Variants in CHCHD6 observed in about 807,000 individuals in gnomAD.
CHCHD6 encodes MICOS complex subunit MIC25.
A neutral mutation model predicts 32.3 loss-of-function variants in CHCHD6; 28 were observed. That is an observed-to-expected ratio of 0.87 (90% CI 0.64 to 1.19). CHCHD6 has a LOEUF of 1.19. Ranked by LOEUF, CHCHD6 falls within the 50% of genes most tolerant of loss-of-function variation. The probability of loss-of-function intolerance (pLI) is 0.00; values close to 1 mark genes in which losing one functional copy is unlikely to be tolerated. For synonymous variants in CHCHD6, 122 were observed against 117.5 expected (o/e 1.04, Z -0.25); for missense variants, 333 against 307.0 (o/e 1.08, Z -0.63).
intron 4 of CHCHD6, 139 bp from the exon 5 acceptor site, chr3:126,852,508 C>T: frequency 3.2e-6 from 2 of 626,108 alleles, no homozygotes; most frequent in Admixed American, 4.9e-5. Flanking sequence ...AATGATCTGG[C>T]ATATCATAAG....
At chr3:126,795,027 A>G (rs1002869240) in intron 4 of CHCHD6, among the ~76,000 whole-genome samples, 1 of 152,044 alleles carries the variant, frequency 6.6e-6, no homozygotes, top group Non-Finnish European at 1.5e-5. Flanking sequence ...ATTCTCCTAG[A>G]CATTTTTAGC....
intron 1 of CHCHD6, among the ~76,000 whole-genome samples, chr3:126,710,198 A>T (rs564583382): frequency 2.0e-5 from 3 of 152,194 alleles, no homozygotes; most frequent in Admixed American, 6.5e-5. Context: ...TGTTGAAAAG[A>T]TTATTCTTTC....
chr3:126,714,631 C>T (rs1559799707), intron 1 of CHCHD6, among the ~76,000 whole-genome samples: 2 of 152,220 alleles, frequency 1.3e-5, no homozygotes, highest in African/African-American at 2.4e-5. Context: ...AAACTGGCCA[C>T]ATCGGCACTG....
chr3:126,924,966 G>A (rs2078301898), intron 6 of CHCHD6, among the ~76,000 whole-genome samples: 1 of 152,170 alleles, frequency 6.6e-6, no homozygotes, highest in Non-Finnish European at 1.5e-5. Context: ...GGAGCTGCTG[G>A]CCAGGTTTTT....
chr3:126,956,891 ACGC>A (rs1240333399), intron 6 of CHCHD6: 1 of 155,272 alleles, frequency 6.4e-6, no homozygotes, highest in Admixed American at 6.2e-5. Flanking sequence ...TCCTTATTGC[ACGC>A]ATATTAGTTT....
At chr3:126,912,153 G>T (rs745401690) in intron 5 of CHCHD6, among the ~76,000 whole-genome samples, 1 of 152,160 alleles carries the variant, frequency 6.6e-6, no homozygotes, top group Non-Finnish European at 1.5e-5. Flanking sequence ...AAAGAACACC[G>T]CCAGCATATG....
intron 4 of CHCHD6, among the ~76,000 whole-genome samples, chr3:126,837,632 A>G (rs1940912279): frequency 6.6e-6 from 1 of 152,204 alleles, no homozygotes; most frequent in African/African-American, 2.4e-5. Context: ...AGTTAATGGA[A>G]CACTTAAGGA....
At chr3:126,773,983 G>C (rs1309048382) in intron 4 of CHCHD6, among the ~76,000 whole-genome samples, 1 of 152,094 alleles carries the variant, frequency 6.6e-6, no homozygotes, top group East Asian at 1.9e-4. Flanking sequence ...CTTCTTTGAT[G>C]ATTCTTGTCT....
chr3:126,872,566 G>A (rs1576536534), intron 5 of CHCHD6, among the ~76,000 whole-genome samples: 1 of 152,162 alleles, frequency 6.6e-6, no homozygotes, highest in African/African-American at 2.4e-5. Flanking sequence ...ACACTGTTTA[G>A]AATCTTAGGT....
intron 4 of CHCHD6, among the ~76,000 whole-genome samples, chr3:126,791,241 G>T (rs1007908179): frequency 5.3e-5 from 8 of 152,256 alleles, no homozygotes; most frequent in African/African-American, 1.4e-4. Context: ...CTATTGGGGG[G>T]TGCCTCCCAG....
At position 126,934,536 on chromosome 3, in the gene CHCHD6, CTTTTTTTTTTTTTTT is replaced by C. The variant is rs386397861; in HGVS notation, c.566+19802_566+19816del. On this transcript the variant is annotated intron_variant, in intron 6 of 7. Coordinates refer to ENST00000290913, the MANE Select transcript of CHCHD6 (RefSeq NM_032343.3). ...CTTGGAATGCACCCTCCCCTCTCTG[CTTTTTTTTTTTTTTT>C]TTTTTTTTTTTTTTTGAGACTGAGT... Among the ~76,000 whole-genome samples the C allele has an allele frequency of 1.0e-4, 6 of 58,244 alleles. No individual in the cohort carries two copies. In the East Asian group the frequency reaches 2.3e-3, roughly 22 times the overall value. 38.2% of individuals were successfully genotyped at this position (58,244 alleles called of 152,430 possible).
At chr3:126,917,930 A>G (rs2078194498) in intron 6 of CHCHD6, among the ~76,000 whole-genome samples, 1 of 152,184 alleles carries the variant, frequency 6.6e-6, no homozygotes, top group African/African-American at 2.4e-5. Context: ...ACTGTGAGGA[A>G]TAAACGTCTA....
At chr3:126,902,716 CAAA>C (rs748684166) in intron 5 of CHCHD6, among the ~76,000 whole-genome samples, 2 of 95,588 alleles carry the variant, frequency 2.1e-5, no homozygotes, top group African/African-American at 3.8e-5. Flanking sequence ...GACTCCATCT[CAAA>C]AAAAAAAAAA....
intron 4 of CHCHD6, among the ~76,000 whole-genome samples, chr3:126,777,196 A>G (rs1937688185): frequency 6.6e-6 from 1 of 152,118 alleles, no homozygotes; most frequent in Non-Finnish European, 1.5e-5. Flanking sequence ...GTTTTTATTT[A>G]ATGGATTTGT....
intron 5 of CHCHD6, among the ~76,000 whole-genome samples, chr3:126,858,076 G>C (rs1941723319): frequency 6.6e-6 from 1 of 152,130 alleles, no homozygotes; most frequent in Non-Finnish European, 1.5e-5. Flanking sequence ...TCATGATAGA[G>C]CATTGCTGGC....
intron 6 of CHCHD6, among the ~76,000 whole-genome samples, chr3:126,936,556 GTTTC>G (rs766688803): frequency 2.6e-5 from 4 of 152,040 alleles, no homozygotes; most frequent in African/African-American, 4.8e-5. Context: ...AATTGTAACT[GTTTC>G]TTTTTTTCTT....
At chr3:126,926,877 A>G (rs1027198260) in intron 6 of CHCHD6, among the ~76,000 whole-genome samples, 2 of 152,316 alleles carry the variant, frequency 1.3e-5, no homozygotes, top group Non-Finnish European at 2.9e-5. Flanking sequence ...CACCCATTGC[A>G]CAGATATTCC....
chr3:126,727,300 T>G lies in CHCHD6; in HGVS notation c.196+114T>G, dbSNP rs1935581585. On this transcript the variant is annotated intron_variant, in intron 2 of 7. Coordinates refer to ENST00000290913, the MANE Select transcript of CHCHD6 (RefSeq NM_032343.3). ...GGCTCAGGTTGGCTTCTGGATGACG[T>G]TAAGCAGCTCTGTCTGGTAAGGGCT... 1 of 648,804 alleles carries G rather than the reference T, an allele frequency of 1.5e-6. No individual in the cohort carries two copies. Among genetic ancestry groups the G allele is most frequent in the African/African-American group, 1.8e-5 (1 of 55,364 alleles). 40.2% of individuals were successfully genotyped at this position (648,804 alleles called of 1,614,324 possible).
At chr3:126,706,153 T>C (rs752947839) in intron 1 of CHCHD6, among the ~76,000 whole-genome samples, 5 of 152,210 alleles carry the variant, frequency 3.3e-5, no homozygotes, top group Non-Finnish European at 4.4e-5. Flanking sequence ...GTTGGAAAGT[T>C]AAGTTGGAGT....
Sources: allele counts gnomAD v4.1 joint callset (sites outside exome capture counted in the v4.1 genomes callset), GRCh38; gene constraint gnomAD v4.1.1; transcripts MANE v1.5; gene names NCBI Gene and HGNC (gene_info 2026-07-23, HGNC 2026-07-21).